The following GRIN2B variants were observed in gnomAD, a reference collection of about 807,000 sequenced individuals.
GRIN2B encodes glutamate receptor ionotropic, NMDA 2B.
Under a neutral mutation model 114.5 loss-of-function variants are expected in GRIN2B, and 5 were observed. The ratio of observed to expected loss-of-function variants is 0.04; its 90% confidence interval spans 0.02 to 0.09. GRIN2B has a LOEUF of 0.09. Ranked by LOEUF, GRIN2B falls within the 10% of genes least tolerant of loss-of-function variation. The pLI is 1.00. For synonymous variants in GRIN2B, 787 were observed against 745.1 expected, an observed-to-expected ratio of 1.06 and a Z score of -0.92; for missense variants, 1,108 against 1,943.5, an observed-to-expected ratio of 0.57 and a Z score of 8.08.
chr12:13,880,350 G>A (rs1866052286), intron 2 of GRIN2B, among the ~76,000 whole-genome samples: 1 of 152,226 alleles, frequency 6.6e-6, no homozygotes, highest in African/African-American at 2.4e-5. Context: ...CGGAAGGAAT[G>A]TTTGGAGAAA....
chr12:13,951,993 A>AATATCAAAAG (rs1867490431), intron 2 of GRIN2B, among the ~76,000 whole-genome samples: 2 of 152,330 alleles, frequency 1.3e-5, no homozygotes, highest in African/African-American at 4.8e-5. Context: ...CCTAAGCACA[A>AATATCAAAAG]TTGATATATC....
upstream of GRIN2B, chr12:13,981,711 A>C (rs1591652574): frequency 3.0e-5 from 3 of 99,562 alleles, no homozygotes; most frequent in South Asian, 3.2e-4. Context: ...GGGGAAGGGA[A>C]GCGGGCGGGG....
intron 5 of GRIN2B, 24 bp downstream of exon 5, chr12:13,675,721 A>G: frequency 7.2e-7 from 1 of 1,381,620 alleles, no homozygotes. Flanking sequence ...ACTTTGCTCA[A>G]GAATTGTCAA....
intron 10 of GRIN2B, among the ~76,000 whole-genome samples, chr12:13,583,801 G>A (rs973776136): frequency 3.9e-5 from 6 of 152,076 alleles, no homozygotes; most frequent in African/African-American, 1.2e-4. Flanking sequence ...ACGTTGGGAG[G>A]AATGTTTGGC....
chr12:13,585,702 T>C (rs923117798), intron 10 of GRIN2B, among the ~76,000 whole-genome samples: 1 of 152,230 alleles, frequency 6.6e-6, no homozygotes, highest in Non-Finnish European at 1.5e-5. Context: ...AGAACACTCA[T>C]AGGCTATGAA....
chr12:13,684,692 T>C (rs1163970059), intron 4 of GRIN2B, among the ~76,000 whole-genome samples: 1 of 152,168 alleles, frequency 6.6e-6, no homozygotes, highest in Non-Finnish European at 1.5e-5. Flanking sequence ...ATCACTTTCT[T>C]AAAACACTGA....
intron 2 of GRIN2B, among the ~76,000 whole-genome samples, chr12:13,978,898 A>T (rs1189397053): frequency 6.6e-6 from 1 of 152,238 alleles, no homozygotes; most frequent in Non-Finnish European, 1.5e-5. Context: ...TCTCAAGTAC[A>T]TTAAAATACT....
chr12:13,769,853 G>T (rs1863871871), intron 3 of GRIN2B, among the ~76,000 whole-genome samples: 1 of 152,224 alleles, frequency 6.6e-6, no homozygotes, highest in African/African-American at 2.4e-5. Context: ...TATGGTGGCT[G>T]CTCCACATGT....
chr12:13,618,356 T>C (rs191505373), intron 5 of GRIN2B, among the ~76,000 whole-genome samples: 1 of 152,222 alleles, frequency 6.6e-6, no homozygotes, highest in African/African-American at 2.4e-5. Context: ...CAATAATGTG[T>C]AAAAAGTTGA....
At chr12:13,687,155 A>T (rs1950179871) in intron 4 of GRIN2B, among the ~76,000 whole-genome samples, 1 of 152,180 alleles carries the variant, frequency 6.6e-6, no homozygotes, top group South Asian at 2.1e-4. Context: ...TTTCCTTTAC[A>T]AATTACCAGC....
chr12:13,563,097 G>T lies in GRIN2B; in HGVS notation c.4141C>A (p.Arg1381=). 1 of 1,614,176 alleles carries T rather than the reference G, an allele frequency of 6.2e-7. No individual in the cohort carries two copies. The highest frequency in any genetic ancestry group is 2.2e-5 in the East Asian group (1 of 44,872). ...GGGATGAAAGGGTTTTGCGTGACCC[G>T]GTCAGGGTAGAGCGACTTGCTGAGC... ...YMLSKSLYPD[R]VTQNPFIPTF... The change falls in exon 14 of 14, where the codon CGG becomes AGG. Residue 1381 remains arginine (R), a synonymous_variant. Coordinates refer to ENST00000609686, the MANE Select transcript of GRIN2B (RefSeq NM_000834.5).
intron 2 of GRIN2B, among the ~76,000 whole-genome samples, chr12:13,917,888 G>C (rs1716880838): frequency 1.3e-5 from 2 of 151,744 alleles, no homozygotes; most frequent in Non-Finnish European, 2.9e-5. Context: ...ATTTTTGGTA[G>C]AGTTTTTGTT....
intron 10 of GRIN2B, among the ~76,000 whole-genome samples, chr12:13,607,312 TAATATAA>T (rs1467071223): frequency 9.2e-5 from 6 of 65,502 alleles, no homozygotes; most frequent in African/African-American, 1.3e-4. Flanking sequence ...ATATTATATA[TAATATAA>T]AATATATAAT....
intron 4 of GRIN2B, among the ~76,000 whole-genome samples, chr12:13,725,189 C>T (rs945567200): frequency 6.6e-6 from 1 of 152,060 alleles, no homozygotes; most frequent in African/African-American, 2.4e-5. Context: ...ATAATAGTGT[C>T]CCCTGGAGGG....
chr12:13,715,387 G>A (rs1268406080), intron 4 of GRIN2B, among the ~76,000 whole-genome samples: 2 of 151,710 alleles, frequency 1.3e-5, no homozygotes, highest in Non-Finnish European at 2.9e-5. Flanking sequence ...TTTCTGGCAA[G>A]AATAAAATGA....
chr12:13,725,169 T>C (rs1372130997), intron 4 of GRIN2B, among the ~76,000 whole-genome samples: 1 of 152,078 alleles, frequency 6.6e-6, no homozygotes, highest in African/African-American at 2.4e-5. Context: ...TGTCACTATC[T>C]AGCCTCAGGA....
chr12:13,567,813 T>C (rs74065127), intron 12 of GRIN2B, among the ~76,000 whole-genome samples: 3,851 of 152,092 alleles, frequency 0.025, 161 homozygotes, highest in African/African-American at 0.087. Flanking sequence ...GAAAAAGGTA[T>C]AGTAGGCAAA....
chr12:13,568,401 C>T (rs2136411500), intron 12 of GRIN2B, among the ~76,000 whole-genome samples: 1 of 152,216 alleles, frequency 6.6e-6, no homozygotes, highest in African/African-American at 2.4e-5. Context: ...GCAACTTTTG[C>T]AAATCATCTC....
Position 13,547,951 on chromosome 12 carries a change from A to ATGTATGTG in GRIN2B, c.*14831_*14832insCACATACA, listed in dbSNP as rs1555098036. ...GTTATGTATATGTATGTATGTATGT[A>ATGTATGTG]TGTGTGTGTATATATATATATATAT... On this transcript the variant is annotated 3_prime_UTR_variant, in exon 14 of 14. Coordinates refer to ENST00000609686, the MANE Select transcript of GRIN2B (RefSeq NM_000834.5). The ATGTATGTG allele has an allele frequency of 1.0e-5, 1 of 99,020 alleles. No homozygotes were observed. The highest frequency in any genetic ancestry group is 3.4e-5 in the African/African-American group (1 of 29,174). 6.1% of individuals were successfully genotyped at this position (99,020 alleles called of 1,614,324 possible).
Sources: gnomAD v4.1 joint callset for allele counts (sites outside exome capture counted in the v4.1 genomes callset) on GRCh38, gnomAD v4.1.1 for gene constraint, MANE v1.5 for transcripts, NCBI Gene and HGNC (gene_info 2026-07-23, HGNC 2026-07-21) for gene names.